Variants in UBN2 observed in about 807,000 individuals in gnomAD.
UBN2 encodes ubinuclein-2.
UBN2 carries 35 observed loss-of-function variants against 120.2 expected under a neutral mutation model. The ratio of observed to expected loss-of-function variants is 0.29; its 90% CI spans 0.22 to 0.39. UBN2 has a LOEUF of 0.39. Ranked by LOEUF, UBN2 falls within the 10% of genes least tolerant of loss-of-function variation. The probability of loss-of-function intolerance (pLI) is 1.00; values close to 1 mark genes in which losing one functional copy is unlikely to be tolerated. For synonymous variants in UBN2, 661 were observed against 648.7 expected (o/e 1.02, Z -0.29); for missense variants, 1,693 against 1,663.2 (o/e 1.02, Z -0.31).
At chr7:139,318,601 T>C in the UBN2 span, among the ~76,000 whole-genome samples, 1 of 152,122 alleles carries the variant, frequency 6.6e-6, no homozygotes, top group African/African-American at 2.4e-5. Context: ...TCTCAAGTGA[T>C]CCTCCCACCT....
chr7:139,283,516 C>T lies in UBN2; in HGVS notation c.2611C>T (p.Pro871Ser). 5 of 1,614,162 alleles carry T rather than the reference C, an allele frequency of 3.1e-6. No homozygotes were observed. Among genetic ancestry groups the T allele is most frequent in the Non-Finnish European group, 4.2e-6 (5 of 1,180,026 alleles). Residue 871 changes from proline to serine, a missense_variant, in exon 15 of 18, where the codon CCT becomes TCT. Pro to Ser is a moderately conservative substitution (Grantham distance 74). Coordinates refer to ENST00000473989, the MANE Select transcript of UBN2 (RefSeq NM_173569.4). ...SIQNPKVSLE[P>S]LPARLLQQGL... Reference sequence around the variant, plus strand: ...TCAGAACCCTAAAGTTTCTTTAGAACCTTTGCCAGCCAGGCTACTTCAACA... The same window carrying T: ...TCAGAACCCTAAAGTTTCTTTAGAATCTTTGCCAGCCAGGCTACTTCAACA...
At chr7:139,256,956 T>C (rs1187409856) in intron 3 of UBN2, among the ~76,000 whole-genome samples, 1 of 152,248 alleles carries the variant, frequency 6.6e-6, no homozygotes, top group African/African-American at 2.4e-5. Flanking sequence ...CTTAGCCTTA[T>C]ATTCTTACAG....
At chr7:139,326,419 C>T in the UBN2 span, among the ~76,000 whole-genome samples, 1 of 152,222 alleles carries the variant, frequency 6.6e-6, no homozygotes, top group Non-Finnish European at 1.5e-5. Flanking sequence ...CATTACAAAG[C>T]AGCAGGTCCA....
chr7:139,256,657 A>T (rs1584999106), intron 3 of UBN2, among the ~76,000 whole-genome samples: 2 of 151,754 alleles, frequency 1.3e-5, no homozygotes, highest in South Asian at 4.1e-4. Flanking sequence ...TATCACAGTT[A>T]GTTTTCGAAA....
At chr7:139,328,599 T>A in the UBN2 span, among the ~76,000 whole-genome samples, 2 of 152,160 alleles carry the variant, frequency 1.3e-5, no homozygotes, top group Non-Finnish European at 2.9e-5. Flanking sequence ...ACATAGGTCA[T>A]CTAGCTTGTA....
rs1365575636 is a variant in UBN2, at chr7:139,231,845, C to T, written c.361C>T (p.Arg121Trp). The T allele has an allele frequency of 4.5e-6, 7 of 1,541,514 alleles. No individual in the cohort carries two copies. The highest frequency in any genetic ancestry group is 6.1e-6 in the Non-Finnish European group (7 of 1,151,328). Residue 121 changes from arginine (R) to tryptophan (W), a missense_variant, in exon 1 of 18, where the codon CGG becomes TGG. Arg to Trp is a moderately radical substitution (Grantham distance 101). Coordinates refer to ENST00000473989, the MANE Select transcript of UBN2 (RefSeq NM_173569.4). ...ESASRAEQPP[R>W]PPRETVRLEL... ...GGCTTCCCGGGCTGAGCAGCCGCCG[C>T]GGCCGCCGAGGGAGACGGTGCGCCT...
intron 5 of UBN2, among the ~76,000 whole-genome samples, chr7:139,259,777 C>T (rs551970601): frequency 6.6e-6 from 1 of 152,168 alleles, no homozygotes; most frequent in Non-Finnish European, 1.5e-5. Context: ...GAGACAGAGT[C>T]TCACTGTATC....
chr7:139,300,191 A>G lies in UBN2; in HGVS notation c.*2355A>G, dbSNP rs746025879. The G allele has an allele frequency of 6.6e-6, 1 of 152,194 alleles. No homozygotes were observed. Among genetic ancestry groups the G allele is most frequent in the Non-Finnish European group, 1.5e-5 (1 of 68,022 alleles). 9.4% of individuals were successfully genotyped at this position (152,194 alleles called of 1,614,324 possible). A position where few individuals can be genotyped will look rare whatever the true frequency, so the allele number is the denominator to read the frequency against. On this transcript the variant is annotated 3_prime_UTR_variant, in exon 18 of 18. Transcript: ENST00000473989. ...GAAGGCCCTTGGCTCCAAGAATACA[A>G]TGTGGAGATTCTTCTGTGTTCTCTT...
chr7:139,262,391 C>T (rs1482154548), intron 6 of UBN2, among the ~76,000 whole-genome samples: 2 of 152,118 alleles, frequency 1.3e-5, no homozygotes, highest in African/African-American at 2.4e-5. Context: ...TGACCCACTG[C>T]GCCCAGCCTA....
chr7:139,272,099 A>G (rs1407168195), intron 8 of UBN2, among the ~76,000 whole-genome samples: 2 of 152,162 alleles, frequency 1.3e-5, no homozygotes, highest in South Asian at 2.1e-4. Flanking sequence ...GCGACAGGGA[A>G]AAACTGGAAC....
At chr7:139,233,579 T>G (rs1796085337) in intron 1 of UBN2, among the ~76,000 whole-genome samples, 2 of 152,312 alleles carry the variant, frequency 1.3e-5, no homozygotes, top group South Asian at 4.1e-4. Flanking sequence ...TACAAATGTA[T>G]GTAATTTTAT....
Position 139,273,405 on chromosome 7 carries a change from T to C in UBN2, c.1824T>C (p.Thr608=). The C allele has an allele frequency of 6.3e-7, 1 of 1,578,790 alleles. No homozygotes were observed. Among genetic ancestry groups the C allele is most frequent in the Non-Finnish European group, 8.6e-7 (1 of 1,160,188 alleles). The change falls in exon 10 of 18, where the codon ACT becomes ACC. Residue 608 remains threonine (T), a synonymous_variant. Transcript: ENST00000473989. Reference sequence around the variant, plus strand: ...GAAAGAAATTCCACTGGGATGACACTATCAGGTAAGATTTAATTAGTTTTC... The same window carrying C: ...GAAAGAAATTCCACTGGGATGACACCATCAGGTAAGATTTAATTAGTTTTC... ...GPRKKFHWDD[T]IRTLLCNLVE...
downstream of UBN2, among the ~76,000 whole-genome samples, chr7:139,309,431 ACTC>A (rs536785505): frequency 1.4e-4 from 21 of 152,190 alleles, no homozygotes; most frequent in East Asian, 3.9e-3. Context: ...TGTCAGCAGT[ACTC>A]CTCAAGATGA....
Position 139,300,441 on chromosome 7 carries a change from T to C in UBN2, c.*2605T>C, listed in dbSNP as rs1053106469. 7 of 152,352 alleles carry C rather than the reference T, an allele frequency of 4.6e-5. No individual in the cohort carries two copies. In the East Asian group the frequency reaches 1.3e-3, roughly 29 times the overall value. 9.4% of individuals were successfully genotyped at this position (152,352 alleles called of 1,614,324 possible). A position where few individuals can be genotyped will look rare whatever the true frequency, so the allele number is the denominator to read the frequency against. The stretch of plus-strand genomic sequence containing the variant: ...CATTGAAAAAGGTGCCCATACTTTA[T>C]GGTCACCTGTCTTTACCGTTTTTAT... On this transcript the variant is annotated 3_prime_UTR_variant, in exon 18 of 18. Coordinates refer to ENST00000473989, the MANE Select transcript of UBN2 (RefSeq NM_173569.4).
chr7:139,284,010 C>T lies in UBN2; in HGVS notation c.3105C>T (p.Ala1035=). The change falls in exon 15 of 18, where the codon GCC becomes GCT. Residue 1035 remains alanine (A), a synonymous_variant. Transcript: ENST00000473989. ...QGFKSPFSMA[A]SPKLAASPKP... ...TCAAATCTCCCTTCTCGATGGCTGC[C>T]TCCCCAAAACTTGCCGCATCTCCCA... is the stretch of plus-strand genomic sequence containing the variant. 1.2e-6 allele frequency: 2 copies of T among 1,614,178 alleles called. No homozygotes were observed. Among genetic ancestry groups the T allele is most frequent in the Admixed American group, 1.7e-5 (1 of 60,014 alleles).
chr7:139,320,057 CAG>C, the UBN2 span, among the ~76,000 whole-genome samples: 1 of 151,170 alleles, frequency 6.6e-6, no homozygotes, highest in Non-Finnish European at 1.5e-5. Context: ...GCCTGGGTGA[CAG>C]AGCGAGACTC....
chr7:139,279,435 G>A (rs1357236173), intron 13 of UBN2, 75 bp downstream of exon 13: 6 of 1,231,060 alleles, frequency 4.9e-6, no homozygotes, highest in Non-Finnish European at 7.0e-6. Flanking sequence ...TGAAAAAGAT[G>A]TATGGTATTT....
intron 2 of UBN2, among the ~76,000 whole-genome samples, chr7:139,240,543 G>A (rs1796293692): frequency 1.3e-5 from 2 of 151,220 alleles, no homozygotes; most frequent in Admixed American, 6.6e-5. Context: ...CCTGCTGGGC[G>A]TTATATGCCT....
the UBN2 span, among the ~76,000 whole-genome samples, chr7:139,330,026 G>A: frequency 6.6e-6 from 1 of 152,244 alleles, no homozygotes; most frequent in South Asian, 2.1e-4. Context: ...CACAAGCTGT[G>A]CACTCTGGGC....
Sources: gnomAD v4.1 joint callset for allele counts (sites outside exome capture counted in the v4.1 genomes callset) on GRCh38, gnomAD v4.1.1 for gene constraint, MANE v1.5 for transcripts, NCBI Gene and HGNC (gene_info 2026-07-23, HGNC 2026-07-21) for gene names.